Variants in PADI2 observed in about 807,000 individuals in gnomAD.
PADI2 encodes the protein protein-arginine deiminase type-2.
PADI2 carries 70 observed loss-of-function variants against 81.1 expected under a neutral mutation model. The observed-to-expected ratio is 0.86, with a 90% CI of 0.71 to 1.05. The LOEUF is 1.05. Among genes scored for constraint, PADI2 ranks in the 50% least tolerant of loss-of-function variants. The pLI, the probability that PADI2 is intolerant of heterozygous loss-of-function variation, is 0.00. For synonymous variants in PADI2, 338 were observed against 358.0 expected, an observed-to-expected ratio of 0.94 and a Z score of 0.63; for missense variants, 853 against 889.9, an observed-to-expected ratio of 0.96 and a Z score of 0.53.
chr1:17,071,575 G>C, intron 13 of PADI2, 84 bp from the exon 14 acceptor site: 1 of 1,023,938 alleles, frequency 9.8e-7, no homozygotes, highest in Non-Finnish European at 1.5e-6. Flanking sequence ...CTCCAGGCCT[G>C]GGCTAACTGC....
chr1:17,079,004 G>A (rs1411317461), intron 11 of PADI2: 1 of 259,450 alleles, frequency 3.9e-6, no homozygotes, highest in Non-Finnish European at 7.3e-6. Flanking sequence ...CCAACCAGCT[G>A]ATTTATAATC....
chr1:17,100,323 C>A (rs1301751748), intron 3 of PADI2, among the ~76,000 whole-genome samples: 1 of 152,176 alleles, frequency 6.6e-6, no homozygotes, highest in Admixed American at 6.5e-5. Flanking sequence ...CTCATTCTGT[C>A]GCCGAGGCTG....
intron 1 of PADI2, among the ~76,000 whole-genome samples, chr1:17,110,839 G>A (rs937035537): frequency 6.6e-6 from 1 of 151,950 alleles, no homozygotes; most frequent in Non-Finnish European, 1.5e-5. Flanking sequence ...CTCCTTGAAG[G>A]TAGGGATTGG....
chr1:17,097,608 C>T (rs1223305108), intron 3 of PADI2, among the ~76,000 whole-genome samples: 1 of 152,200 alleles, frequency 6.6e-6, no homozygotes, highest in Non-Finnish European at 1.5e-5. Context: ...TCAAGGCGTC[C>T]ACAGTCCCAT....
chr1:17,116,025 G>A (rs974849682), intron 1 of PADI2, among the ~76,000 whole-genome samples: 1 of 152,214 alleles, frequency 6.6e-6, no homozygotes, highest in East Asian at 1.9e-4. Flanking sequence ...ACCCCTCATA[G>A]GGCAGCATAG....
At chr1:17,072,605 C>T (rs1298435488) in intron 13 of PADI2, among the ~76,000 whole-genome samples, 6 of 152,312 alleles carry the variant, frequency 3.9e-5, no homozygotes, top group East Asian at 3.9e-4. Flanking sequence ...TGCACATCCG[C>T]GCATCCTCTC....
chr1:17,109,306 T>C (rs1298659560), intron 1 of PADI2, among the ~76,000 whole-genome samples: 1 of 144,998 alleles, frequency 6.9e-6, no homozygotes, highest in African/African-American at 2.6e-5. Context: ...GAGAATCACT[T>C]GAACCTGGGA....
intron 1 of PADI2, among the ~76,000 whole-genome samples, chr1:17,107,970 G>A (rs1332796915): frequency 4.7e-5 from 7 of 149,222 alleles, no homozygotes; most frequent in Non-Finnish European, 7.4e-5. Flanking sequence ...TTTTTTTGAG[G>A]AGGAGTCTCT....
intron 1 of PADI2, among the ~76,000 whole-genome samples, chr1:17,118,538 T>G (rs1042784857): frequency 6.6e-6 from 1 of 152,076 alleles, no homozygotes; most frequent in Non-Finnish European, 1.5e-5. Context: ...CATCCCGCAC[T>G]CTACCAAGTT....
At chr1:17,096,674 C>A (rs1380621801) in intron 3 of PADI2, among the ~76,000 whole-genome samples, 1 of 152,216 alleles carries the variant, frequency 6.6e-6, no homozygotes, top group South Asian at 2.1e-4. Context: ...GCCATGGAGA[C>A]AGGCTTTGTG....
chr1:17,088,906 CAAA>C (rs753463253), intron 6 of PADI2, among the ~76,000 whole-genome samples: 1 of 38,838 alleles, frequency 2.6e-5, no homozygotes, highest in African/African-American at 9.1e-5. Flanking sequence ...GACTCCATCT[CAAA>C]AAAAAAAAAA....
At chr1:17,084,790 C>T (rs2078373510) in intron 7 of PADI2, 88 bp from the exon 8 acceptor site, 2 of 739,548 alleles carry the variant, frequency 2.7e-6, no homozygotes, top group African/African-American at 1.8e-5. Context: ...AAACTGATGA[C>T]AGTGAATACA....
At position 17,084,705 on chromosome 1, in the gene PADI2, G is replaced by A; in HGVS notation, c.835-3C>T. 6.5e-7 allele frequency: 1 copy of A among 1,546,000 alleles called. No homozygotes were observed. The highest frequency in any genetic ancestry group is 8.8e-7 in the Non-Finnish European group (1 of 1,141,702). On this transcript the variant is annotated splice_region_variant and splice_polypyrimidine_tract_variant and intron_variant, in intron 7 of 15. Transcript: ENST00000375486. ...AAGATGGGAGTCAGGGGAATGTCCTGGGTGTGGGAGACAAGGCGTGGGGGA... is the reference window on the plus strand; with the variant it reads ...AAGATGGGAGTCAGGGGAATGTCCTAGGTGTGGGAGACAAGGCGTGGGGGA...
Position 17,076,085 on chromosome 1 carries a change from A to AGTGTGCAGAGGCTACCTTTT in PADI2, c.1311-282_1311-263dup, listed in dbSNP as rs1277008853. On this transcript the variant is annotated intron_variant, in intron 11 of 15. Transcript: ENST00000375486. Reference sequence around the variant, plus strand: ...GCTTCAGCCCTTGAGGGTGCCAGTGAGTGTGCAGAGGCTACCTTTTGTGTG... The same window carrying AGTGTGCAGAGGCTACCTTTT: ...GCTTCAGCCCTTGAGGGTGCCAGTGAGTGTGCAGAGGCTACCTTTTGTGTGCAGAGGCTACCTTTTGTGTG... 5.9e-5 allele frequency among the ~76,000 whole-genome samples: 9 copies of AGTGTGCAGAGGCTACCTTTT among 152,330 alleles called. No homozygotes were observed. In the East Asian group the frequency reaches 1.7e-3, roughly 29 times the overall value.
At chr1:17,084,318 G>A (rs2078369430) in intron 8 of PADI2, among the ~76,000 whole-genome samples, 1 of 152,212 alleles carries the variant, frequency 6.6e-6, no homozygotes, top group Non-Finnish European at 1.5e-5. Flanking sequence ...CTGCATAGGA[G>A]GTTGCTAACT....
chr1:17,080,794 G>A (rs909662203), intron 10 of PADI2, among the ~76,000 whole-genome samples: 1 of 152,192 alleles, frequency 6.6e-6, no homozygotes, highest in Non-Finnish European at 1.5e-5. Context: ...ATCTTGTTTG[G>A]GAGCTTGCAC....
At chr1:17,114,797 G>A (rs1269695484) in intron 1 of PADI2, among the ~76,000 whole-genome samples, 4 of 152,134 alleles carry the variant, frequency 2.6e-5, no homozygotes, top group Admixed American at 6.5e-5. Flanking sequence ...TCTGGGGGAT[G>A]GTGTTCCAGG....
intron 10 of PADI2, 31 bp downstream of exon 10, chr1:17,082,514 C>T: frequency 7.4e-7 from 1 of 1,352,390 alleles, no homozygotes; most frequent in Non-Finnish European, 1.1e-6. Context: ...CAGGATCATG[C>T]TCCACCCGCA....
intron 14 of PADI2, among the ~76,000 whole-genome samples, 159 bp from the exon 15 acceptor site, chr1:17,070,375 G>A (rs1360421669): frequency 6.6e-6 from 1 of 152,132 alleles, no homozygotes; most frequent in East Asian, 1.9e-4. Context: ...CCCTGGCCCT[G>A]TCCACCGGGG....
Sources: allele counts gnomAD v4.1 joint callset (sites outside exome capture counted in the v4.1 genomes callset), GRCh38; gene constraint gnomAD v4.1.1; transcripts MANE v1.5; gene names NCBI Gene and HGNC (gene_info 2026-07-23, HGNC 2026-07-21).